The following AP1B1 variants were observed in gnomAD, a reference collection of about 807,000 sequenced individuals.
The protein encoded by AP1B1 is AP-1 complex subunit beta-1.
Under a neutral mutation model 104.3 loss-of-function variants are expected in AP1B1, and 36 were observed. That is an observed-to-expected ratio of 0.35 (90% CI 0.26 to 0.46). The LOEUF is 0.46. Among genes scored for constraint, AP1B1 ranks in the 20% least tolerant of loss-of-function variants. The pLI is 1.00. For missense variants in AP1B1, 901 were observed against 1,247.9 expected (o/e 0.72, Z 4.19); for synonymous variants, 504 against 517.5 (o/e 0.97, Z 0.35).
At chr22:29,351,651 G>C in intron 8 of AP1B1, 54 bp downstream of exon 8, 1 of 1,600,688 alleles carries the variant, frequency 6.2e-7, no homozygotes, top group Non-Finnish European at 8.5e-7. Context: ...CAGTCTGGTG[G>C]TGGTGGAATG....
chr22:29,344,514 ATTTTTTTTTTTTTTT>A (rs35466454), intron 11 of AP1B1, among the ~76,000 whole-genome samples: 1 of 93,798 alleles, frequency 1.1e-5, no homozygotes, highest in Non-Finnish European at 2.0e-5. Flanking sequence ...CCTGGCCAAG[ATTTTTTTTTTTTTTT>A]TTTTTTTTTT....
At position 29,349,321 on chromosome 22, in the gene AP1B1, C is replaced by T. The variant is rs376948907; in HGVS notation, c.1334G>A (p.Arg445Gln). 4.0e-5 allele frequency: 65 copies of T among 1,613,994 alleles called. No individual in the cohort carries two copies. The highest frequency in any genetic ancestry group is 3.9e-5 in the Non-Finnish European group (46 of 1,180,036). ...GCCCACAATCCAGATCATGGCAGCC[C>T]GGGCCTCAGGCTCATCCAGGGAGTC... ...NLDSLDEPEA[R>Q]AAMIWIVGEY... The change falls in exon 11 of 23, where the codon CGG (arginine) becomes CAG (glutamine). Residue 445 changes from arginine to glutamine, a missense_variant. Arg to Gln is a conservative substitution (Grantham distance 43, BLOSUM62 1). Around this residue, in one of 3 missense-constraint regions of AP1B1, gnomAD observed 471 missense variants for 696.7 expected, o/e 0.68. Coordinates refer to ENST00000357586, the MANE Select transcript of AP1B1 (RefSeq NM_001127.4).
At position 29,351,732 on chromosome 22, in the gene AP1B1, G is replaced by A; in HGVS notation, c.1032C>T (p.Arg344=). Residue 344 remains arginine (R), a synonymous_variant, in exon 8 of 23, where the codon CGC becomes CGT. Coordinates refer to ENST00000357586, the MANE Select transcript of AP1B1 (RefSeq NM_001127.4). The part of the protein sequence containing the change: ...VKLEKLDIMI[R]LASQANIAQV... ...GGGCGATGTTGGCCTGAGAGGCCAG[G>A]CGGATCATGATGTCCAGCTTCTCCA... is the stretch of plus-strand genomic sequence containing the variant. 1 of 1,614,100 alleles carries A rather than the reference G, an allele frequency of 6.2e-7. No individual in the cohort carries two copies. Among genetic ancestry groups the A allele is most frequent in the Non-Finnish European group, 8.5e-7 (1 of 1,180,032 alleles).
At position 29,339,084 on chromosome 22, in the gene AP1B1, T is replaced by A. The variant is rs772696624; in HGVS notation, c.2069A>T (p.Asn690Ile). 5.0e-6 allele frequency: 8 copies of A among 1,614,020 alleles called. No homozygotes were observed. The highest frequency in any genetic ancestry group is 1.3e-5 in the African/African-American group (1 of 74,900). Residue 690 changes from asparagine (N) to isoleucine (I), a missense_variant, in exon 16 of 23, where the codon AAT becomes ATT. By Grantham distance (149) the Asn-to-Ile change is moderately radical. This residue lies in a region of AP1B1 where 424 missense variants were observed against 494.0 expected (regional missense o/e 0.86). Coordinates refer to ENST00000357586, the MANE Select transcript of AP1B1 (RefSeq NM_001127.4). ...GCCACTGCCGATGGGTGCTCCAAGA[T>A]TGGCTGGTACTGCTGCTGTTGGAGG... The part of the protein sequence containing the change: ...VAPPTAAVPA[N>I]LGAPIGSGLS...
chr22:29,370,081 A>C (rs2062207835), intron 1 of AP1B1, among the ~76,000 whole-genome samples: 1 of 152,140 alleles, frequency 6.6e-6, no homozygotes, highest in Non-Finnish European at 1.5e-5. Flanking sequence ...ATAACTGAAG[A>C]CAAAAGGGGC....
intron 20 of AP1B1, 39 bp from the exon 21 acceptor site, chr22:29,330,571 CG>C: frequency 6.2e-7 from 1 of 1,612,336 alleles, no homozygotes; most frequent in Non-Finnish European, 8.5e-7. Flanking sequence ...CCAGTCAGCG[CG>C]GGGGCCTGGG....
At chr22:29,376,431 G>A (rs1012909967) in intron 1 of AP1B1, among the ~76,000 whole-genome samples, 11 of 152,138 alleles carry the variant, frequency 7.2e-5, no homozygotes, top group Non-Finnish European at 1.3e-4. Context: ...AAAGGAAAAG[G>A]GGAAAGAGAC....
chr22:29,337,300 A>G (rs1190248790), intron 16 of AP1B1, among the ~76,000 whole-genome samples: 1 of 152,184 alleles, frequency 6.6e-6, no homozygotes, highest in Non-Finnish European at 1.5e-5. Flanking sequence ...TGCTGGGAGG[A>G]GGACGTGCTG....
At chr22:29,365,144 C>T (rs1346997307) in intron 2 of AP1B1, among the ~76,000 whole-genome samples, 11 of 152,202 alleles carry the variant, frequency 7.2e-5, no homozygotes, top group Non-Finnish European at 1.2e-4. Context: ...ATAGCCAATG[C>T]TGGTAGGGGG....
intron 11 of AP1B1, among the ~76,000 whole-genome samples, chr22:29,345,788 G>C (rs566426990): frequency 6.6e-6 from 1 of 152,154 alleles, no homozygotes; most frequent in Non-Finnish European, 1.5e-5. Context: ...GTGTTCAAGC[G>C]ATTCTCCTGC....
chr22:29,378,096 C>G (rs1165642360), intron 1 of AP1B1, among the ~76,000 whole-genome samples: 1 of 152,118 alleles, frequency 6.6e-6, no homozygotes, highest in East Asian at 1.9e-4. Context: ...TGCCACACAT[C>G]CCTGCAGAGT....
intron 9 of AP1B1, among the ~76,000 whole-genome samples, chr22:29,350,947 G>A (rs918098567): frequency 6.6e-6 from 1 of 152,222 alleles, no homozygotes; most frequent in African/African-American, 2.4e-5. Context: ...CCATGATTAT[G>A]ATGGGTTAAT....
At position 29,358,633 on chromosome 22, in the gene AP1B1, G is replaced by A. The variant is rs1022410612; in HGVS notation, c.525+93C>T. ...CCCCCAGCCAGGCTCCGACTTCTAG[G>A]TACTCAGGACTGCCTGGTGAAGAGT... On this transcript the variant is annotated intron_variant, in intron 5 of 22. Coordinates refer to ENST00000357586, the MANE Select transcript of AP1B1 (RefSeq NM_001127.4). The A allele has an allele frequency of 2.7e-6, 4 of 1,497,192 alleles. No individual in the cohort carries two copies. The African/African-American group carries it at 5.5e-5, about 21-fold the overall frequency. The allele number at this position is 1,497,192 out of a possible 1,614,324, so 92.7% of individuals were successfully genotyped here. A position where few individuals can be genotyped will look rare whatever the true frequency, so the allele number is the denominator to read the frequency against.
rs753319194 is a variant in AP1B1 at position 29,330,647 on chromosome 22, T to G, written c.2587A>C (p.Ile863Leu). 6.7e-5 allele frequency: 108 copies of G among 1,613,790 alleles called. No individual in the cohort carries two copies. Among genetic ancestry groups the G allele is most frequent in the Non-Finnish European group, 9.1e-5 (107 of 1,180,000 alleles). ...CCTGCATTGAGGGGGCAGTCTCTGA[T>G]CTGGAACTGGGCCTCATTCTCATTG... ...IPNENEAQFQ[I>L]RDCPLNAEAA... is the part of the protein sequence containing the mutation. Residue 863 changes from isoleucine to leucine, a missense_variant, in exon 20 of 23, where the codon ATC (isoleucine) becomes CTC (leucine). Transcript: ENST00000357586.
intron 1 of AP1B1, among the ~76,000 whole-genome samples, chr22:29,369,562 G>A (rs545947461): frequency 6.6e-6 from 1 of 152,330 alleles, no homozygotes; most frequent in Admixed American, 6.5e-5. Context: ...CCACAGTGGG[G>A]ACTCTAAACT....
chr22:29,367,455 T>C (rs1602777440), intron 1 of AP1B1, among the ~76,000 whole-genome samples, 185 bp from the exon 2 acceptor site: 1 of 149,948 alleles, frequency 6.7e-6, no homozygotes, highest in African/African-American at 2.5e-5. Flanking sequence ...CTGAGGAATC[T>C]ATCAACCTTT....
chr22:29,356,352 C>T (rs1224488010), intron 6 of AP1B1, 74 bp downstream of exon 6: 1 of 1,469,220 alleles, frequency 6.8e-7, no homozygotes, highest in Non-Finnish European at 9.2e-7. Context: ...AGGCCCAAGG[C>T]CCAGTGCCTG....
At chr22:29,383,609 T>G (rs2062472374) in intron 1 of AP1B1, among the ~76,000 whole-genome samples, 1 of 144,350 alleles carries the variant, frequency 6.9e-6, no homozygotes, top group African/African-American at 2.6e-5. Context: ...CTCAGGAGGC[T>G]GAAGCAGGAG....
rs769687481 is a variant in AP1B1 at position 29,341,533 on chromosome 22, G to A, written c.1764C>T (p.Val588=). ...TGCGAGGTGGCAGGCTCTTGTGCACGACGCCCCGGCCCCCCTCCACAAAGG... is the reference window on the plus strand; with the variant it reads ...TGCGAGGTGGCAGGCTCTTGTGCACAACGCCCCGGCCCCCCTCCACAAAGG... The part of the protein sequence containing the change: ...PSAFVEGGRG[V]VHKSLPPRTA... The change falls in exon 13 of 23, where the codon GTC becomes GTT. Residue 588 remains valine, a synonymous_variant. Coordinates refer to ENST00000357586, the MANE Select transcript of AP1B1 (RefSeq NM_001127.4). 7 of 1,613,950 alleles carry A rather than the reference G, an allele frequency of 4.3e-6. No individual in the cohort carries two copies. In the Admixed American group the frequency reaches 5.0e-5, roughly 12 times the overall value.
Sources: gnomAD v4.1 joint callset for allele counts (sites outside exome capture counted in the v4.1 genomes callset) on GRCh38, gnomAD v4.1.1 for gene constraint, gnomAD v4.1.1 regional missense constraint, MANE v1.5 for transcripts, NCBI Gene and HGNC (gene_info 2026-07-23, HGNC 2026-07-21) for gene names.